The following RBFOX1 variants were observed in gnomAD, a reference collection of about 807,000 sequenced individuals.
RBFOX1 encodes the protein RNA binding protein fox-1 homolog 1.
RBFOX1 carries 8 observed loss-of-function variants against 57.7 expected under a neutral mutation model. The observed-to-expected ratio is 0.14, with a 90% CI of 0.08 to 0.25. The LOEUF is 0.25. RBFOX1 is among the 10% of genes least tolerant of loss of function. The pLI is 1.00. For missense variants in RBFOX1, 611 were observed against 548.5 expected (o/e 1.11, Z -1.14); for synonymous variants, 326 against 222.4 (o/e 1.47, Z -4.15).
intron 2 of RBFOX1, among the ~76,000 whole-genome samples, chr16:5,564,871 G>GGAGGT (rs2046011067): frequency 6.6e-6 from 1 of 152,260 alleles, no homozygotes; most frequent in East Asian, 1.9e-4. Context: ...TCTTGGATGA[G>GGAGGT]GAGGTGGAGA....
chr16:5,691,753 A>G (rs1346933591), intron 3 of RBFOX1, among the ~76,000 whole-genome samples: 1 of 152,154 alleles, frequency 6.6e-6, no homozygotes. Context: ...TGTAATCTTA[A>G]ATCCTGTAAA....
At chr16:6,144,183 C>G (rs2096740654) in intron 1 of RBFOX1, among the ~76,000 whole-genome samples, 1 of 152,058 alleles carries the variant, frequency 6.6e-6, no homozygotes, top group Non-Finnish European at 1.5e-5. Context: ...CAGATTATAT[C>G]CATTAGAATG....
intron 3 of RBFOX1, among the ~76,000 whole-genome samples, chr16:6,692,691 T>C (rs1356631922): frequency 1.3e-5 from 2 of 152,022 alleles, no homozygotes; most frequent in Non-Finnish European, 2.9e-5. Context: ...AACCAACACC[T>C]AGTTGAAATG....
intron 1 of RBFOX1, among the ~76,000 whole-genome samples, chr16:6,313,501 G>T (rs914977700): frequency 1.3e-5 from 2 of 152,102 alleles, no homozygotes; most frequent in Non-Finnish European, 2.9e-5. Context: ...TAGAGAGTCA[G>T]AGTTAGAAAA....
intron 3 of RBFOX1, among the ~76,000 whole-genome samples, chr16:6,795,092 C>A (rs967355247): frequency 6.6e-6 from 1 of 152,132 alleles, no homozygotes; most frequent in Non-Finnish European, 1.5e-5. Context: ...AAATGAGTTT[C>A]CATTTCTGGG....
At chr16:5,356,305 G>A (rs905283447) in intron 1 of RBFOX1, among the ~76,000 whole-genome samples, 15 of 152,314 alleles carry the variant, frequency 9.8e-5, no homozygotes, top group Non-Finnish European at 2.1e-4. Context: ...TGAACTTCTA[G>A]GCTACAGAAC....
chr16:7,622,540 G>C (rs2059466077), intron 10 of RBFOX1, among the ~76,000 whole-genome samples: 1 of 152,040 alleles, frequency 6.6e-6, no homozygotes, highest in Non-Finnish European at 1.5e-5. Flanking sequence ...ATTCTTCTTT[G>C]TATTATTCTT....
At chr16:7,035,570 C>T (rs943545479) in intron 3 of RBFOX1, among the ~76,000 whole-genome samples, 1 of 152,078 alleles carries the variant, frequency 6.6e-6, no homozygotes, top group Admixed American at 6.5e-5. Flanking sequence ...TATTTTCTTT[C>T]TGAAGGTAAA....
chr16:6,643,167 A>C (rs923927432), intron 2 of RBFOX1, among the ~76,000 whole-genome samples: 1 of 152,192 alleles, frequency 6.6e-6, no homozygotes, highest in African/African-American at 2.4e-5. Context: ...TAAATTTTGA[A>C]GGCACAGAAA....
chr16:6,683,122 T>C (rs1273484206), intron 3 of RBFOX1, among the ~76,000 whole-genome samples: 1 of 152,106 alleles, frequency 6.6e-6, no homozygotes, highest in Admixed American at 6.5e-5. Context: ...TATTTAATGA[T>C]GAAAGAGCTA....
chr16:6,824,979 CTTGGT>C (rs2091911022), intron 3 of RBFOX1, among the ~76,000 whole-genome samples: 1 of 30,826 alleles, frequency 3.2e-5, no homozygotes, highest in South Asian at 1.1e-3. Context: ...TTCTTTCTTT[CTTGGT>C]TTTTTTTTTT....
intron 3 of RBFOX1, among the ~76,000 whole-genome samples, chr16:5,767,247 G>T (rs1330218273): frequency 6.6e-6 from 1 of 152,178 alleles, no homozygotes; most frequent in Non-Finnish European, 1.5e-5. Flanking sequence ...TCTTCTTTTG[G>T]CCTGTGTTAT....
At chr16:5,924,545 G>A (rs1226827466) in intron 4 of RBFOX1, among the ~76,000 whole-genome samples, 2 of 152,114 alleles carry the variant, frequency 1.3e-5, no homozygotes, top group Non-Finnish European at 2.9e-5. Flanking sequence ...CTTGCCCTGT[G>A]ATCTCTGTAC....
At chr16:5,607,676 C>T (rs1043959204) in intron 3 of RBFOX1, among the ~76,000 whole-genome samples, 7 of 152,068 alleles carry the variant, frequency 4.6e-5, no homozygotes, top group African/African-American at 1.7e-4. Context: ...GTAAACTGTC[C>T]CAGAAGGCTC....
intron 1 of RBFOX1, among the ~76,000 whole-genome samples, chr16:5,432,534 G>A (rs1215414078): frequency 6.9e-6 from 1 of 145,660 alleles, no homozygotes. Flanking sequence ...TTACAACTGG[G>A]GAGTTTTTTT....
At chr16:5,746,196 A>C (rs1239609303) in intron 3 of RBFOX1, among the ~76,000 whole-genome samples, 1 of 152,206 alleles carries the variant, frequency 6.6e-6, no homozygotes, top group Non-Finnish European at 1.5e-5. Flanking sequence ...TAAATAGGGA[A>C]TCCTTCCCCC....
At chr16:5,937,584 A>G (rs935943279) in intron 4 of RBFOX1, among the ~76,000 whole-genome samples, 52 of 151,068 alleles carry the variant, frequency 3.4e-4, no homozygotes, top group African/African-American at 1.2e-3. Flanking sequence ...TTTATATATA[A>G]CTATATGATA....
intron 3 of RBFOX1, among the ~76,000 whole-genome samples, chr16:6,998,314 C>A (rs923648830): frequency 1.3e-5 from 2 of 152,248 alleles, no homozygotes; most frequent in Middle Eastern, 3.4e-3. Context: ...GAACAACACT[C>A]ATTAGTGTCT....
At chr16:6,415,507 C>T (rs1157912527) in intron 2 of RBFOX1, among the ~76,000 whole-genome samples, 1 of 151,780 alleles carries the variant, frequency 6.6e-6, no homozygotes, top group Non-Finnish European at 1.5e-5. Flanking sequence ...ATGAGACCAG[C>T]CTGGCCAATA....
Sources: gnomAD v4.1 joint callset for allele counts (sites outside exome capture counted in the v4.1 genomes callset) on GRCh38, gnomAD v4.1.1 for gene constraint, MANE v1.5 for transcripts, NCBI Gene and HGNC (gene_info 2026-07-23, HGNC 2026-07-21) for gene names.